CPEB1: variants seen among roughly 807,000 people sequenced by gnomAD.
CPEB1 encodes the protein cytoplasmic polyadenylation element-binding protein 1.
In CPEB1, 7 loss-of-function variants were observed where a neutral mutation model predicts 65.8. The observed-to-expected ratio is 0.11, with a 90% CI of 0.06 to 0.20. The LOEUF is 0.20. CPEB1 is among the 10% of genes least tolerant of loss of function. The pLI is 1.00. For synonymous variants in CPEB1, 262 were observed against 260.0 expected (o/e 1.01, Z -0.08); for missense variants, 551 against 712.2 (o/e 0.77, Z 2.58).
At chr15:82,547,777 A>G (rs958358535) in intron 10 of CPEB1, among the ~76,000 whole-genome samples, 1 of 141,358 alleles carries the variant, frequency 7.1e-6, no homozygotes, top group African/African-American at 2.6e-5. Context: ...GGCTCAAACA[A>G]TCTCCTGCCT....
chr15:82,589,367 G>T (rs991074551), intron 3 of CPEB1, among the ~76,000 whole-genome samples: 1 of 152,166 alleles, frequency 6.6e-6, no homozygotes, highest in Non-Finnish European at 1.5e-5. Flanking sequence ...TATGTGGGGC[G>T]GCAATTTAAT....
chr15:82,616,462 G>A (rs895837416), intron 3 of CPEB1, among the ~76,000 whole-genome samples: 1 of 151,828 alleles, frequency 6.6e-6, no homozygotes, highest in Non-Finnish European at 1.5e-5. Flanking sequence ...ATAAAGGTCT[G>A]AATCAAACAT....
chr15:82,563,870 T>G (rs1306850884), intron 4 of CPEB1, among the ~76,000 whole-genome samples: 1 of 152,146 alleles, frequency 6.6e-6, no homozygotes, highest in Admixed American at 6.5e-5. Context: ...CAATTCCCAT[T>G]TGGCTTTCTT....
intron 1 of CPEB1, among the ~76,000 whole-genome samples, chr15:82,645,297 C>G (rs1346379151): frequency 3.3e-5 from 5 of 152,084 alleles, no homozygotes; most frequent in Non-Finnish European, 4.4e-5. Flanking sequence ...CGATTATAGG[C>G]GCCCACCACC....
At chr15:82,597,059 C>T (rs902050042) in intron 3 of CPEB1, among the ~76,000 whole-genome samples, 2 of 152,204 alleles carry the variant, frequency 1.3e-5, no homozygotes, top group Non-Finnish European at 2.9e-5. Context: ...CACGTTGGCT[C>T]ACGCCTGTAA....
At chr15:82,601,482 A>G (rs2043117569) in intron 3 of CPEB1, among the ~76,000 whole-genome samples, 1 of 152,074 alleles carries the variant, frequency 6.6e-6, no homozygotes. Flanking sequence ...CGGAGGTTGC[A>G]GTGACCTGAG....
Position 82,549,539 on chromosome 15 carries a change from G to A in CPEB1, c.1401C>T (p.Ala467=), listed in dbSNP as rs917261254. The A allele has an allele frequency of 2.5e-6, 4 of 1,614,044 alleles. No homozygotes were observed. In the African/African-American group the frequency reaches 4.0e-5, roughly 16 times the overall value. Residue 467 remains alanine (A), a synonymous_variant, in exon 10 of 13, where the codon GCC becomes GCT. Coordinates refer to ENST00000684509, the MANE Select transcript of CPEB1 (RefSeq NM_001365242.1). ...GALHGMLNAE[A]LAAILNDLFG... ...ATAGGTCGTTCAAGATGGCTGCCAG[G>A]GCCTCAGCATTTAGCATTCCATGCA...
intron 3 of CPEB1, among the ~76,000 whole-genome samples, chr15:82,581,169 T>C (rs988085561): frequency 3.9e-5 from 6 of 152,106 alleles, no homozygotes; most frequent in Admixed American, 2.6e-4. Context: ...ACTGATAGGA[T>C]TTTGCTATGT....
intron 4 of CPEB1, among the ~76,000 whole-genome samples, chr15:82,567,089 T>C (rs138820523): frequency 2.0e-4 from 30 of 152,288 alleles, no homozygotes; most frequent in African/African-American, 7.0e-4. Flanking sequence ...GCTGGGAATA[T>C]AGTATTGGAG....
intron 3 of CPEB1, among the ~76,000 whole-genome samples, chr15:82,600,626 G>A (rs1021733708): frequency 8.5e-5 from 13 of 152,248 alleles, no homozygotes; most frequent in South Asian, 4.1e-4. Flanking sequence ...TTTCTAGGAC[G>A]TGATGAAAGC....
rs370750077 is a variant in CPEB1, at chr15:82,606,379, GAA to G, written c.271+20812_271+20813del. 2.0e-4 allele frequency among the ~76,000 whole-genome samples: 30 copies of G among 149,714 alleles called. No homozygotes were observed. The East Asian group carries it at 5.7e-3, about 29-fold the overall frequency. On this transcript the variant is annotated intron_variant, in intron 3 of 12. Transcript: ENST00000684509. ...CCCAGCTACTCAGGAGGCTGAGGGA[GAA>G]CTGCTTGAACCCAGGAGCTGAGGGG... is the stretch of plus-strand genomic sequence containing the variant.
chr15:82,569,067 G>A (rs1596038111), intron 4 of CPEB1, among the ~76,000 whole-genome samples: 1 of 152,362 alleles, frequency 6.6e-6, no homozygotes, highest in East Asian at 1.9e-4. Context: ...CAGAGCTGTT[G>A]AAAGCCTCCT....
intron 4 of CPEB1, among the ~76,000 whole-genome samples, chr15:82,566,197 A>T (rs2039093886): frequency 6.6e-6 from 1 of 152,208 alleles, no homozygotes; most frequent in South Asian, 2.1e-4. Flanking sequence ...GAATGCCTGC[A>T]TTATAAGACC....
At chr15:82,632,077 G>T (rs963470502) in intron 1 of CPEB1, among the ~76,000 whole-genome samples, 2 of 150,828 alleles carry the variant, frequency 1.3e-5, no homozygotes, top group Non-Finnish European at 2.9e-5. Flanking sequence ...CGCCTCCCGG[G>T]TTCACAGGAT....
At chr15:82,589,473 G>A (rs1274440055) in intron 3 of CPEB1, among the ~76,000 whole-genome samples, 1 of 152,172 alleles carries the variant, frequency 6.6e-6, no homozygotes. Flanking sequence ...GCCAGGCATG[G>A]TAGCTACTGC....
At chr15:82,588,327 G>A (rs866573601) in intron 3 of CPEB1, among the ~76,000 whole-genome samples, 2 of 152,090 alleles carry the variant, frequency 1.3e-5, no homozygotes, top group Middle Eastern at 3.4e-3. Flanking sequence ...AAACAAGGAG[G>A]ATATGAAGAA....
At chr15:82,573,679 C>T (rs1402354235) in intron 3 of CPEB1, among the ~76,000 whole-genome samples, 1 of 152,124 alleles carries the variant, frequency 6.6e-6, no homozygotes, top group Admixed American at 6.5e-5. Flanking sequence ...GCTCTTGCTA[C>T]TCAAAATACA....
intron 2 of CPEB1, chr15:82,627,994 A>C (rs1260135509): frequency 1.7e-6 from 1 of 571,670 alleles, no homozygotes; most frequent in Non-Finnish European, 3.1e-6. Flanking sequence ...CCCCAAATAC[A>C]ACATCTCTAA....
At chr15:82,571,230 T>C in intron 4 of CPEB1, 114 bp downstream of exon 4, 4 of 1,333,042 alleles carry the variant, frequency 3.0e-6, no homozygotes, top group East Asian at 2.5e-5. Flanking sequence ...ATGTTGTATG[T>C]GTGTATGGTG....
Sources: allele counts gnomAD v4.1 joint callset (sites outside exome capture counted in the v4.1 genomes callset), GRCh38; gene constraint gnomAD v4.1.1; transcripts MANE v1.5; gene names NCBI Gene and HGNC (gene_info 2026-07-23, HGNC 2026-07-21).